Variants in WAPL observed in about 807,000 individuals in gnomAD.
The protein encoded by WAPL is WAPL cohesin release factor.
In WAPL, 5 loss-of-function variants were observed where a neutral mutation model predicts 121.0. The ratio of observed to expected loss-of-function variants is 0.04; its 90% confidence interval spans 0.02 to 0.09. WAPL has a LOEUF of 0.09. WAPL is among the 10% of genes least tolerant of loss of function. The pLI, the probability that WAPL is intolerant of heterozygous loss-of-function variation, is 1.00. For synonymous variants in WAPL, 480 were observed against 481.5 expected (o/e 1.00, Z 0.04); for missense variants, 999 against 1,410.8 (o/e 0.71, Z 4.68).
intron 12 of WAPL, among the ~76,000 whole-genome samples, chr10:86,457,311 A>T (rs1841171531): frequency 7.2e-6 from 1 of 138,166 alleles, no homozygotes; most frequent in Non-Finnish European, 1.5e-5. Flanking sequence ...ACAACATAGC[A>T]AGACCCTGTA....
intron 2 of WAPL, among the ~76,000 whole-genome samples, chr10:86,508,945 CAG>C (rs1167543666): frequency 2.0e-5 from 3 of 151,802 alleles, no homozygotes; most frequent in Admixed American, 6.6e-5. Flanking sequence ...TTAGTAGAGA[CAG>C]GGTTTCACCG....
chr10:86,501,817 A>G (rs915035855), intron 2 of WAPL, among the ~76,000 whole-genome samples: 1 of 152,102 alleles, frequency 6.6e-6, no homozygotes, highest in Non-Finnish European at 1.5e-5. Context: ...CAGCACTCCC[A>G]AACAGCTGGA....
At chr10:86,516,331 AAG>A (rs577660093) in intron 2 of WAPL, among the ~76,000 whole-genome samples, 3 of 152,186 alleles carry the variant, frequency 2.0e-5, no homozygotes, top group Non-Finnish European at 2.9e-5. Flanking sequence ...GAGTGAGAAA[AAG>A]AGTGAAAAAA....
intron 9 of WAPL, 137 bp from the exon 10 acceptor site, chr10:86,461,424 T>TG: frequency 1.5e-6 from 1 of 648,330 alleles, no homozygotes; most frequent in Non-Finnish European, 2.6e-6. Context: ...TAATTTTCAA[T>TG]TTTATCAGAA....
chr10:86,495,361 G>A (rs975335803), intron 4 of WAPL, among the ~76,000 whole-genome samples: 1 of 152,040 alleles, frequency 6.6e-6, no homozygotes. Context: ...CAGCTATTTA[G>A]GAGTCTGAGG....
At position 86,516,172 on chromosome 10, in the gene WAPL, C is replaced by T. The variant is rs920142950; in HGVS notation, c.499+1399G>A. 4.6e-5 allele frequency among the ~76,000 whole-genome samples: 7 copies of T among 152,060 alleles called. No individual in the cohort carries two copies. In the East Asian group the frequency reaches 9.6e-4, roughly 21 times the overall value. On this transcript the variant is annotated intron_variant, in intron 2 of 18. Transcript: ENST00000298767. Reference sequence around the variant, plus strand: ...CATGAGCCACTGCACAGGTCCTTTACGCTGTTTTTTAATGGAAATTTAACC... The same window carrying T: ...CATGAGCCACTGCACAGGTCCTTTATGCTGTTTTTTAATGGAAATTTAACC...
rs149149639 is a variant in WAPL, at chr10:86,499,723, T to C, written c.1520A>G (p.Asn507Ser). ...CATATTTTTTAAATTCTTACCTGCA[T>C]TGTTAGTACCAGACTGACTGTCCTG... is the stretch of plus-strand genomic sequence containing the variant. ...NSQDSQSGTN[N>S]AENLDFTEDL... The change falls in exon 3 of 19, where the codon AAT becomes AGT. Residue 507 changes from asparagine to serine, a missense_variant. By Grantham distance (46) the Asn-to-Ser change is conservative. This residue lies in a region of WAPL where 531 missense variants were observed against 563.1 expected (regional missense o/e 0.94). Coordinates refer to ENST00000298767, the MANE Select transcript of WAPL (RefSeq NM_015045.5). 4 of 1,557,986 alleles carry C rather than the reference T, an allele frequency of 2.6e-6. No individual in the cohort carries two copies. The highest frequency in any genetic ancestry group is 1.7e-4 in the Middle Eastern group (1 of 5,786).
chr10:86,518,096 GA>G lies in WAPL; in HGVS notation c.-22-6del, dbSNP rs746934471. 1.9e-6 allele frequency: 3 copies of G among 1,589,194 alleles called. No individual in the cohort carries two copies. The highest frequency in any genetic ancestry group is 1.1e-5 in the South Asian group (1 of 87,624). On this transcript the variant is annotated splice_region_variant and splice_polypyrimidine_tract_variant and intron_variant, in intron 1 of 18. Coordinates refer to ENST00000298767, the MANE Select transcript of WAPL (RefSeq NM_015045.5). ...TTGACACCAGTTTCATATTCTCTGT[GA>G]AAAAAAATTTAAGAAAACATATAAT... is the stretch of plus-strand genomic sequence containing the variant.
intron 5 of WAPL, among the ~76,000 whole-genome samples, chr10:86,473,554 C>T (rs1003400631): frequency 6.6e-6 from 1 of 152,154 alleles, no homozygotes; most frequent in East Asian, 1.9e-4. Flanking sequence ...CACAACATAG[C>T]TCTTATACAA....
chr10:86,494,139 T>C (rs1245135179), intron 4 of WAPL, among the ~76,000 whole-genome samples: 1 of 152,154 alleles, frequency 6.6e-6, no homozygotes, highest in African/African-American at 2.4e-5. Flanking sequence ...CTACATACTA[T>C]GTAGCAGTCA....
rs1589489472 is a variant in WAPL at position 86,443,169 on chromosome 10, A to G, written c.3411+106T>C. The stretch of plus-strand genomic sequence containing the variant: ...CCTTTGTGGAATAAGTTGGACATTA[A>G]GGGGGAAACACTGAAGAAATAAATA... On this transcript the variant is annotated intron_variant, in intron 17 of 18. Transcript: ENST00000298767. 1.7e-5 allele frequency: 14 copies of G among 821,918 alleles called. 4 individuals carry two copies. In the Admixed American group the frequency reaches 3.2e-4, roughly 19 times the overall value. The allele number at this position is 821,918 out of a possible 1,614,324, so 50.9% of individuals were successfully genotyped here. A position where few individuals can be genotyped will look rare whatever the true frequency, so the allele number is the denominator to read the frequency against.
At chr10:86,452,201 A>G (rs1589497126) in intron 14 of WAPL, 70 bp from the exon 15 acceptor site, 4 of 1,449,730 alleles carry the variant, frequency 2.8e-6, no homozygotes, top group Non-Finnish European at 3.7e-6. Context: ...AATATACACA[A>G]TTTTTAATGG....
intron 4 of WAPL, among the ~76,000 whole-genome samples, chr10:86,481,061 T>C (rs755148057): frequency 1.3e-4 from 20 of 152,162 alleles, no homozygotes; most frequent in Non-Finnish European, 2.6e-4. Context: ...TGAACAACAG[T>C]AAATTGAGAT....
At chr10:86,501,213 C>T (rs577765477) in intron 2 of WAPL, among the ~76,000 whole-genome samples, 1 of 152,282 alleles carries the variant, frequency 6.6e-6, no homozygotes, top group South Asian at 2.1e-4. Context: ...ATCCAGAAAC[C>T]TGTCCATAGG....
At chr10:86,462,681 C>T (rs926200197) in intron 9 of WAPL, among the ~76,000 whole-genome samples, 2 of 143,088 alleles carry the variant, frequency 1.4e-5, no homozygotes, top group African/African-American at 5.3e-5. Flanking sequence ...AGATTTGTGC[C>T]ACTGCACTCC....
Position 86,500,416 on chromosome 10 carries a change from T to C in WAPL, c.827A>G (p.Asn276Ser). ...TACAATATCTTCCTCAATGGCTTCATTCAGATTTTCCAATCGATTTTTAAA... is the reference window on the plus strand; with the variant it reads ...TACAATATCTTCCTCAATGGCTTCACTCAGATTTTCCAATCGATTTTTAAA... ...DDFKNRLENLNEAIEEDIVQS... is the reference protein window; with the variant it reads ...DDFKNRLENLSEAIEEDIVQS... Residue 276 changes from asparagine (N) to serine (S), a missense_variant, in exon 3 of 19, where the codon AAT (asparagine) becomes AGT (serine). This residue lies in a region of WAPL where 531 missense variants were observed against 563.1 expected (regional missense o/e 0.94). Coordinates refer to ENST00000298767, the MANE Select transcript of WAPL (RefSeq NM_015045.5). The C allele has an allele frequency of 6.2e-7, 1 of 1,614,230 alleles. No homozygotes were observed. Among genetic ancestry groups the C allele is most frequent in the Non-Finnish European group, 8.5e-7 (1 of 1,180,034 alleles).
At chr10:86,455,948 C>CT (rs1032802063) in intron 12 of WAPL, among the ~76,000 whole-genome samples, 2 of 152,142 alleles carry the variant, frequency 1.3e-5, no homozygotes, top group East Asian at 3.8e-4. Context: ...TGAAATGACT[C>CT]TTTATCAGAA....
intron 2 of WAPL, among the ~76,000 whole-genome samples, chr10:86,503,934 C>T (rs1057195326): frequency 3.2e-4 from 49 of 152,088 alleles, no homozygotes; most frequent in Admixed American, 3.1e-3. Context: ...CTTTGGGAGG[C>T]CGAGTCAGGC....
intron 2 of WAPL, among the ~76,000 whole-genome samples, chr10:86,508,860 T>C (rs939304568): frequency 6.8e-6 from 1 of 147,618 alleles, no homozygotes; most frequent in Non-Finnish European, 1.5e-5. Flanking sequence ...GTTCACGCCA[T>C]TCTCCTGCCT....
Sources: allele counts gnomAD v4.1 joint callset (sites outside exome capture counted in the v4.1 genomes callset), GRCh38; gene constraint gnomAD v4.1.1; regional missense constraint gnomAD v4.1.1; transcripts MANE v1.5; gene names NCBI Gene and HGNC (gene_info 2026-07-23, HGNC 2026-07-21).